Variants in RPH3AL observed in about 807,000 individuals in gnomAD.
RPH3AL encodes the protein rab effector Noc2.
Under a neutral mutation model 43.1 loss-of-function variants are expected in RPH3AL, and 38 were observed. The observed-to-expected ratio is 0.88, with a 90% CI of 0.68 to 1.15. RPH3AL has a LOEUF of 1.15. RPH3AL is among the 50% of genes most tolerant of loss of function. The probability of loss-of-function intolerance (pLI) is 0.00; values close to 1 mark genes in which losing one functional copy is unlikely to be tolerated. For missense variants in RPH3AL, 462 were observed against 423.2 expected, an observed-to-expected ratio of 1.09 and a Z score of -0.81; for synonymous variants, 189 against 176.3, an observed-to-expected ratio of 1.07 and a Z score of -0.57.
At chr17:316,023 C>CAT in intron 5 of RPH3AL, among the ~76,000 whole-genome samples, 1 of 52,878 alleles carries the variant, frequency 1.9e-5, no homozygotes, top group East Asian at 4.8e-4. Context: ...TCCCTGTGCC[C>CAT]CCACCTCCAT....
Position 301,559 on chromosome 17 carries a change from C to G in RPH3AL, c.351+17861G>C, listed in dbSNP as rs549883490. Among the ~76,000 whole-genome samples the G allele has an allele frequency of 7.6e-4, 116 of 152,260 alleles. 2 individuals are homozygous for G. Among genetic ancestry groups the G allele is most frequent in the African/African-American group, 2.6e-3 (110 of 41,558 alleles). On this transcript the variant is annotated intron_variant, in intron 5 of 9. Transcript: ENST00000331302. ...GGCTCAAGGGATCCTCCTGCCTTGG[C>G]CTCCCAAGTAGCTGGGACTGCAGGG...
At position 245,709 on chromosome 17, in the gene RPH3AL, C is replaced by G. The variant is rs1597923831; in HGVS notation, c.613+1402G>C. Among the ~76,000 whole-genome samples the G allele has an allele frequency of 6.6e-6, 1 of 152,052 alleles. No homozygotes were observed. Among genetic ancestry groups the G allele is most frequent in the African/African-American group, 2.4e-5 (1 of 41,398 alleles). On this transcript the variant is annotated intron_variant, in intron 7 of 9. Coordinates refer to ENST00000331302, the MANE Select transcript of RPH3AL (RefSeq NM_006987.4). The surrounding 1 kb of genome is among the most constrained non-coding windows in gnomAD (Gnocchi z 5.9). Reference sequence around the variant, plus strand: ...TGAGGTCCAAGGGTGGCAGAGGGACCAGGTGGAGGACCGCCACTTCTCCAG... The same window carrying G: ...TGAGGTCCAAGGGTGGCAGAGGGACGAGGTGGAGGACCGCCACTTCTCCAG...
intron 7 of RPH3AL, among the ~76,000 whole-genome samples, chr17:241,711 C>CTT (rs1001979455): frequency 4.3e-5 from 4 of 92,760 alleles, no homozygotes; most frequent in African/African-American, 8.0e-5. Flanking sequence ...GTTTCTTTTT[C>CTT]TTTTTTTTTC....
intron 5 of RPH3AL, among the ~76,000 whole-genome samples, chr17:294,555 TG>T (rs2043125193): frequency 6.7e-6 from 1 of 148,394 alleles, no homozygotes; most frequent in African/African-American, 2.5e-5. Context: ...CACATCAGTG[TG>T]GGAGGGACAG....
chr17:256,154 T>C (rs373306948), intron 6 of RPH3AL, among the ~76,000 whole-genome samples: 3 of 2,934 alleles, frequency 1.0e-3, no homozygotes, highest in Non-Finnish European at 2.1e-3. Flanking sequence ...TCCCTAGGAA[T>C]ATGACTACCC....
At chr17:275,859 T>G (rs2042643775) in intron 6 of RPH3AL, among the ~76,000 whole-genome samples, 1 of 152,226 alleles carries the variant, frequency 6.6e-6, no homozygotes, top group Admixed American at 6.5e-5. Flanking sequence ...ATTCCCTTTT[T>G]TGTTTATTTA....
intron 7 of RPH3AL, among the ~76,000 whole-genome samples, chr17:234,240 G>A (rs1487000530): frequency 1.0e-5 from 1 of 95,354 alleles, no homozygotes; most frequent in East Asian, 2.8e-4. Context: ...AGCAGGGAGC[G>A]GCTACTTACC....
intron 6 of RPH3AL, among the ~76,000 whole-genome samples, chr17:275,413 A>G (rs1036466786): frequency 6.6e-6 from 1 of 152,158 alleles, no homozygotes; most frequent in Non-Finnish European, 1.5e-5. Context: ...AGAAATGCAC[A>G]GAAAAATACA....
At position 245,140 on chromosome 17, in the gene RPH3AL, T is replaced by C. The variant is rs1555539273; in HGVS notation, c.613+1971A>G. On this transcript the variant is annotated intron_variant, in intron 7 of 9. Transcript: ENST00000331302. This position sits in a 1 kb window ranked among gnomAD's most constrained non-coding sequence, Gnocchi z 5.9. ...ATGTGTGTGTGGATGTGTGTGTCCA[T>C]GTGGATGTGTGTGTGCACATGGATG... Among the ~76,000 whole-genome samples the C allele has an allele frequency of 6.6e-6, 1 of 151,504 alleles. No individual in the cohort carries two copies. The highest frequency in any genetic ancestry group is 1.5e-5 in the Non-Finnish European group (1 of 67,878).
chr17:225,291 G>A lies in RPH3AL; in HGVS notation c.614-5555C>T, dbSNP rs1056690189. Among the ~76,000 whole-genome samples the A allele has an allele frequency of 7.9e-5, 12 of 152,118 alleles. No homozygotes were observed. The highest frequency in any genetic ancestry group is 1.7e-4 in the African/African-American group (7 of 41,412). On this transcript the variant is annotated intron_variant, in intron 7 of 9. Transcript: ENST00000331302. This position sits in a 1 kb window ranked among gnomAD's most constrained non-coding sequence, Gnocchi z 4.4. ...TGGGGATGGGGCATGGCTGTGGTCC[G>A]TGTGCCCTCTTCGTAGTACTTGAGA...
chr17:252,663 A>G (rs985849449), intron 6 of RPH3AL, among the ~76,000 whole-genome samples: 38 of 152,248 alleles, frequency 2.5e-4, no homozygotes, highest in Non-Finnish European at 4.3e-4. Flanking sequence ...CGCCGCAGCC[A>G]TCACCCCGCA....
rs76264486 is a variant in RPH3AL at position 267,239 on chromosome 17, C to T, written c.438+14529G>A. On this transcript the variant is annotated intron_variant, in intron 6 of 9. Coordinates refer to ENST00000331302, the MANE Select transcript of RPH3AL (RefSeq NM_006987.4). Reference sequence around the variant, plus strand: ...ACTTGTGTTGTCAACATTTGACAGACTCCCCTCACTTTCAACTGGCACGCG... The same window carrying T: ...ACTTGTGTTGTCAACATTTGACAGATTCCCCTCACTTTCAACTGGCACGCG... Among the ~76,000 whole-genome samples the T allele has an allele frequency of 3.0e-3, 462 of 152,356 alleles. 4 individuals carry two copies. Among genetic ancestry groups the T allele is most frequent in the African/African-American group, 0.01 (436 of 41,590 alleles).
At chr17:223,561 A>G (rs757334486) in intron 7 of RPH3AL, among the ~76,000 whole-genome samples, 3 of 152,222 alleles carry the variant, frequency 2.0e-5, no homozygotes, top group Non-Finnish European at 2.9e-5. Context: ...AAATCCGTCT[A>G]TACTGCGGTG....
intron 6 of RPH3AL, among the ~76,000 whole-genome samples, chr17:281,518 G>A (rs1449295266): frequency 2.6e-5 from 4 of 151,612 alleles, no homozygotes; most frequent in Admixed American, 2.0e-4. Flanking sequence ...ACTCTCCCAC[G>A]TGTAGAACCT....
At chr17:284,485 C>T (rs946390883) in intron 5 of RPH3AL, among the ~76,000 whole-genome samples, 30 of 152,068 alleles carry the variant, frequency 2.0e-4, no homozygotes, top group Admixed American at 7.9e-4. Context: ...TGCCAGGGGC[C>T]GACCCTGGGA....
chr17:341,806 C>T (rs562156811), intron 1 of RPH3AL, among the ~76,000 whole-genome samples: 1 of 152,150 alleles, frequency 6.6e-6, no homozygotes, highest in Non-Finnish European at 1.5e-5. Flanking sequence ...CCTCGGCCCC[C>T]CAGATAGCTG....
intron 6 of RPH3AL, among the ~76,000 whole-genome samples, chr17:263,946 C>T (rs1433979273): frequency 3.9e-5 from 6 of 152,124 alleles, no homozygotes; most frequent in African/African-American, 9.7e-5. Context: ...TCACTGCAGA[C>T]GGGCAGGCAG....
At chr17:310,393 T>C (rs1333961098) in intron 5 of RPH3AL, among the ~76,000 whole-genome samples, 1 of 152,148 alleles carries the variant, frequency 6.6e-6, no homozygotes, top group Non-Finnish European at 1.5e-5. Context: ...GGGGCGCGTG[T>C]GTGTGCCCAG....
intron 6 of RPH3AL, among the ~76,000 whole-genome samples, chr17:257,172 C>T (rs2042070234): frequency 1.7e-5 from 1 of 60,562 alleles, no homozygotes; most frequent in Non-Finnish European, 3.6e-5. Context: ...GACTACCCTA[C>T]GTACTTCCTA....
Sources: gnomAD v4.1 joint callset for allele counts (sites outside exome capture counted in the v4.1 genomes callset) on GRCh38, gnomAD v4.1.1 for gene constraint, Gnocchi (gnomAD v3.1) non-coding constraint, MANE v1.5 for transcripts, NCBI Gene and HGNC (gene_info 2026-07-23, HGNC 2026-07-21) for gene names.